The following RPS6KA2 variants were observed in gnomAD, a reference collection of about 807,000 sequenced individuals.
RPS6KA2 encodes ribosomal protein S6 kinase alpha-2.
Under a neutral mutation model 91.8 loss-of-function variants are expected in RPS6KA2, and 42 were observed. That is an observed-to-expected ratio of 0.46 (90% CI 0.36 to 0.59). The LOEUF (loss-of-function observed/expected upper bound fraction) is 0.59. Ranked by LOEUF, RPS6KA2 falls within the 20% of genes least tolerant of loss-of-function variation. The pLI, the probability that RPS6KA2 is intolerant of heterozygous loss-of-function variation, is 0.00. For synonymous variants in RPS6KA2, 414 were observed against 393.6 expected, an observed-to-expected ratio of 1.05 and a Z score of -0.61; for missense variants, 798 against 978.5, an observed-to-expected ratio of 0.82 and a Z score of 2.46.
chr6:166,424,580 G>C (rs77178620), intron 16 of RPS6KA2, among the ~76,000 whole-genome samples: 1,647 of 152,290 alleles, frequency 0.011, 27 homozygotes, highest in African/African-American at 0.036. Context: ...ACCAGAGAGT[G>C]GGAGTCCAAC....
chr6:166,577,784 T>C (rs533329808), intron 1 of RPS6KA2, among the ~76,000 whole-genome samples: 1 of 152,280 alleles, frequency 6.6e-6, no homozygotes, highest in South Asian at 2.1e-4. Context: ...GGTTTTGAAA[T>C]GTGAGGACAT....
chr6:166,638,536 C>T (rs1787320346), intron 2 of RPS6KA2, among the ~76,000 whole-genome samples: 1 of 152,230 alleles, frequency 6.6e-6, no homozygotes, highest in African/African-American at 2.4e-5. Flanking sequence ...TAGCTGGAGA[C>T]AGGCGAAAGA....
At chr6:166,424,568 G>C (rs566333906) in intron 16 of RPS6KA2, among the ~76,000 whole-genome samples, 43 of 152,338 alleles carry the variant, frequency 2.8e-4, no homozygotes, top group African/African-American at 1.0e-3. Context: ...GCACTGCCTG[G>C]AACCAGAGAG....
intron 3 of RPS6KA2, among the ~76,000 whole-genome samples, chr6:166,525,567 A>G (rs891836717): frequency 3.3e-5 from 5 of 152,232 alleles, no homozygotes. Flanking sequence ...GTGAGCTGGA[A>G]GGAATCCCAC....
chr6:166,789,862 T>C (rs1048519895), intron 2 of RPS6KA2, among the ~76,000 whole-genome samples: 1 of 152,154 alleles, frequency 6.6e-6, no homozygotes, highest in Non-Finnish European at 1.5e-5. Flanking sequence ...AACCCATCTG[T>C]ACATCACCAT....
intron 2 of RPS6KA2, among the ~76,000 whole-genome samples, chr6:166,703,517 T>C (rs981031027): frequency 6.6e-6 from 1 of 152,254 alleles, no homozygotes; most frequent in African/African-American, 2.4e-5. Flanking sequence ...CCGTGTAGTT[T>C]ATAATCACAG....
chr6:166,678,727 A>G (rs1440983314), intron 2 of RPS6KA2, among the ~76,000 whole-genome samples: 2 of 152,220 alleles, frequency 1.3e-5, no homozygotes, highest in Non-Finnish European at 2.9e-5. Flanking sequence ...TTGTCCAACC[A>G]TGGCTGGCAA....
At chr6:166,701,469 C>T in intron 2 of RPS6KA2, 1 of 1,157,782 alleles carries the variant, frequency 8.6e-7, no homozygotes, top group Admixed American at 1.7e-5. Context: ...CAGCGATCAT[C>T]ACCATCCTCA....
In RPS6KA2 at chr6:166,508,092, C is replaced by T; in HGVS notation, c.459+111G>A. ...ACATGCACACACCCCCACACACACA[C>T]ACGCACTCTCGCACGTGCTCACGTC... On this transcript the variant is annotated intron_variant, in intron 5 of 20. Coordinates refer to ENST00000265678, the MANE Select transcript of RPS6KA2 (RefSeq NM_021135.6). This position sits in a 1 kb window ranked among gnomAD's most constrained non-coding sequence, Gnocchi z 4.3. 1.5e-6 allele frequency: 1 copy of T among 677,602 alleles called. No individual in the cohort carries two copies. The highest frequency in any genetic ancestry group is 2.7e-6 in the Non-Finnish European group (1 of 376,048). The allele number at this position is 677,602 out of a possible 1,614,324, so 42.0% of individuals were successfully genotyped here. A position where few individuals can be genotyped will look rare whatever the true frequency, so the allele number is the denominator to read the frequency against.
intron 3 of RPS6KA2, among the ~76,000 whole-genome samples, chr6:166,527,801 A>G (rs546854252): frequency 6.6e-6 from 1 of 152,196 alleles, no homozygotes; most frequent in South Asian, 2.1e-4. Flanking sequence ...TAGAATCTTA[A>G]CCCGTGCGGC....
At chr6:166,572,218 C>T (rs190025363) in intron 1 of RPS6KA2, among the ~76,000 whole-genome samples, 1 of 152,258 alleles carries the variant, frequency 6.6e-6, no homozygotes. Context: ...ATTAGGGATT[C>T]TAATTTTCTT....
At position 166,423,246 on chromosome 6, in the gene RPS6KA2, G is replaced by A; in HGVS notation, c.1743+10C>T. 3 of 1,603,030 alleles carry A rather than the reference G, an allele frequency of 1.9e-6. No individual in the cohort carries two copies. The highest frequency in any genetic ancestry group is 2.2e-5 in the East Asian group (1 of 44,562). On this transcript the variant is annotated intron_variant, in intron 17 of 20. Coordinates refer to ENST00000265678, the MANE Select transcript of RPS6KA2 (RefSeq NM_021135.6). This position sits in a 1 kb window ranked among gnomAD's most constrained non-coding sequence, Gnocchi z 4.8. ...AGAGAGGCCTGGGTCTGCAGTCGGGGAATGCTCACCTCCGGGGCCACGAAA... is the reference window on the plus strand; with the variant it reads ...AGAGAGGCCTGGGTCTGCAGTCGGGAAATGCTCACCTCCGGGGCCACGAAA...
chr6:166,521,866 C>G (rs1336363467), intron 3 of RPS6KA2, among the ~76,000 whole-genome samples: 3 of 152,148 alleles, frequency 2.0e-5, no homozygotes, highest in Non-Finnish European at 4.4e-5. Flanking sequence ...TGAAACCTAA[C>G]CCCCAGTGTG....
chr6:166,583,128 G>A (rs930371666), intron 1 of RPS6KA2, among the ~76,000 whole-genome samples: 3 of 152,098 alleles, frequency 2.0e-5, no homozygotes, highest in African/African-American at 2.4e-5. Flanking sequence ...AGTTTTACTC[G>A]CATTCGCATA....
intron 1 of RPS6KA2, among the ~76,000 whole-genome samples, chr6:166,598,537 G>A (rs1785622480): frequency 6.6e-6 from 1 of 152,222 alleles, no homozygotes; most frequent in African/African-American, 2.4e-5. Flanking sequence ...GTTGGAATCA[G>A]ATGACCCTCT....
rs751960391 is a variant in RPS6KA2, at chr6:166,510,350, G to A, written c.306C>T (p.Asp102=). The change falls in exon 4 of 21, where the codon GAC becomes GAT. Residue 102 remains aspartate, a synonymous_variant. Coordinates refer to ENST00000265678, the MANE Select transcript of RPS6KA2 (RefSeq NM_021135.6). ...VLKKATLKVR[D]RVRSKMERDI... ...CTCTCTCCATCTTCGATCTCACTCG[G>A]TCCCGAACTGCAAAGTAAAAAGATA... is the stretch of plus-strand genomic sequence containing the variant. 2.6e-5 allele frequency: 42 copies of A among 1,586,830 alleles called. No homozygotes were observed. Among genetic ancestry groups the A allele is most frequent in the South Asian group, 9.1e-5 (8 of 87,804 alleles).
chr6:166,763,001 A>G (rs1292534252), intron 2 of RPS6KA2, among the ~76,000 whole-genome samples: 1 of 152,238 alleles, frequency 6.6e-6, no homozygotes, highest in Non-Finnish European at 1.5e-5. Flanking sequence ...ATGCGTGGAT[A>G]GCAAAAATAT....
chr6:166,740,982 G>A (rs1283814157), intron 2 of RPS6KA2, among the ~76,000 whole-genome samples: 2 of 152,206 alleles, frequency 1.3e-5, no homozygotes, highest in East Asian at 1.9e-4. Context: ...CGTATGTCAC[G>A]ACACGGCTCC....
At chr6:166,658,094 C>T (rs569747786) in intron 2 of RPS6KA2, among the ~76,000 whole-genome samples, 1 of 152,204 alleles carries the variant, frequency 6.6e-6, no homozygotes, top group Non-Finnish European at 1.5e-5. Flanking sequence ...GTTGGTCAGG[C>T]TGGTCTTAAA....
Sources: allele counts gnomAD v4.1 joint callset (sites outside exome capture counted in the v4.1 genomes callset), GRCh38; gene constraint gnomAD v4.1.1; non-coding constraint Gnocchi (gnomAD v3.1); transcripts MANE v1.5; gene names NCBI Gene and HGNC (gene_info 2026-07-23, HGNC 2026-07-21).